Variants in ESRRG observed in about 807,000 individuals in gnomAD.
The protein encoded by ESRRG is estrogen-related receptor gamma.
ESRRG carries 13 observed loss-of-function variants against 44.0 expected under a neutral mutation model. That is an observed-to-expected ratio of 0.30 (90% CI 0.19 to 0.47). ESRRG has a LOEUF of 0.47. Ranked by LOEUF, ESRRG falls within the 20% of genes least tolerant of loss-of-function variation. The pLI is 1.00. For missense variants in ESRRG, 395 were observed against 580.6 expected (o/e 0.68, Z 3.29); for synonymous variants, 215 against 214.6 (o/e 1.00, Z -0.02).
chr1:216,966,164 T>C (rs762731462), intron 1 of ESRRG, among the ~76,000 whole-genome samples: 1 of 152,146 alleles, frequency 6.6e-6, no homozygotes, highest in Admixed American at 6.5e-5. Flanking sequence ...TGGACACGTG[T>C]CCTAGCCCAG....
chr1:216,854,991 G>A (rs1577277873), intron 2 of ESRRG: 1 of 152,144 alleles, frequency 6.6e-6, no homozygotes, highest in African/African-American at 2.4e-5. Flanking sequence ...TCCTCTAGAA[G>A]TGCTGGGTCC....
chr1:216,728,975 T>C (rs553547037), intron 2 of ESRRG, among the ~76,000 whole-genome samples: 1 of 152,310 alleles, frequency 6.6e-6, no homozygotes, highest in African/African-American at 2.4e-5. Flanking sequence ...TGTGTGTTTG[T>C]CAGACCTGGA....
At chr1:216,987,782 G>A (rs2075102621) in intron 1 of ESRRG, among the ~76,000 whole-genome samples, 1 of 152,188 alleles carries the variant, frequency 6.6e-6, no homozygotes, top group Non-Finnish European at 1.5e-5. Context: ...GCATTCTCTG[G>A]CCACTATGAT....
chr1:217,085,688 A>G (rs1479277598), intron 1 of ESRRG, among the ~76,000 whole-genome samples: 1 of 151,650 alleles, frequency 6.6e-6, no homozygotes, highest in Non-Finnish European at 1.5e-5. Flanking sequence ...ACAGGGTTTC[A>G]TCATGTTGGC....
At chr1:216,554,222 G>A (rs577801067) in intron 5 of ESRRG, among the ~76,000 whole-genome samples, 14 of 152,076 alleles carry the variant, frequency 9.2e-5, no homozygotes, top group Non-Finnish European at 1.9e-4. Flanking sequence ...GGAAGGCTGG[G>A]GTGGGTGGAT....
intron 5 of ESRRG, among the ~76,000 whole-genome samples, chr1:216,540,412 A>AG (rs1448752903): frequency 6.6e-6 from 1 of 152,010 alleles, no homozygotes; most frequent in Non-Finnish European, 1.5e-5. Context: ...GCCATAGACA[A>AG]GGGACCTTAT....
intron 2 of ESRRG, among the ~76,000 whole-genome samples, chr1:216,809,246 C>A (rs1330972268): frequency 1.3e-5 from 2 of 149,008 alleles, no homozygotes; most frequent in African/African-American, 5.0e-5. Flanking sequence ...ATGCACAAGG[C>A]TGTTTGGTGT....
rs112896334 is a variant in ESRRG at position 216,978,073 on chromosome 1, G to A, written c.-105-38400C>T. ...TATTTTCTTTATAGATTATCTAGTCGGCTGTATTATGTTATAGCAGAAGGA... is the reference window on the plus strand; with the variant it reads ...TATTTTCTTTATAGATTATCTAGTCAGCTGTATTATGTTATAGCAGAAGGA... On this transcript the variant is annotated intron_variant, in intron 1 of 7. Coordinates refer to the ESRRG transcript ENST00000359162. Among the ~76,000 whole-genome samples, 702 of 152,106 alleles carry A rather than the reference G, an allele frequency of 4.6e-3. 9 individuals are homozygous for A. Among genetic ancestry groups the A allele is most frequent in the African/African-American group, 0.016 (644 of 41,504 alleles).
chr1:216,955,400 C>A (rs1175994193), intron 1 of ESRRG, among the ~76,000 whole-genome samples: 1 of 152,068 alleles, frequency 6.6e-6, no homozygotes, highest in Non-Finnish European at 1.5e-5. Flanking sequence ...GGATGGTATT[C>A]CATTGTGTTG....
chr1:216,613,793 T>C (rs983208903), intron 3 of ESRRG, among the ~76,000 whole-genome samples: 1 of 152,218 alleles, frequency 6.6e-6, no homozygotes, highest in Non-Finnish European at 1.5e-5. Flanking sequence ...AAACTAACAA[T>C]GGAAAATATA....
chr1:216,913,811 C>G (rs757437545), intron 2 of ESRRG, among the ~76,000 whole-genome samples: 1 of 152,070 alleles, frequency 6.6e-6, no homozygotes, highest in Non-Finnish European at 1.5e-5. Flanking sequence ...AATTATAAAC[C>G]TTGAGGAAGC....
At chr1:216,867,281 A>G (rs994660039) in intron 2 of ESRRG, among the ~76,000 whole-genome samples, 9 of 152,198 alleles carry the variant, frequency 5.9e-5, no homozygotes, top group Non-Finnish European at 1.0e-4. Flanking sequence ...TCACTTATCA[A>G]AAGAATTCTC....
rs370360195 is a variant in ESRRG, at chr1:216,568,041, G to C, written c.647C>G (p.Ala216Gly). 6.2e-7 allele frequency: 1 copy of C among 1,613,816 alleles called. No homozygotes were observed. ...GRQKYKRRID[A>G]ENSPYLNPQL... ...AGGGTTCAGGTATGGGCTGTTCTCC[G>C]CATCTATCCTGCGCTTGTACTTCTG... The change falls in exon 4 of 7, where the codon GCG becomes GGG. Residue 216 changes from alanine (A) to glycine (G), a missense_variant. Ala to Gly is a moderately conservative substitution (Grantham distance 60). This residue lies in a region of ESRRG where 37 missense variants were observed against 32.9 expected (regional missense o/e 1.13). Coordinates refer to ENST00000408911, the MANE Select transcript of ESRRG (RefSeq NM_001438.4).
intron 2 of ESRRG, among the ~76,000 whole-genome samples, chr1:216,663,608 A>T (rs2151273316): frequency 6.6e-6 from 1 of 150,578 alleles, no homozygotes; most frequent in African/African-American, 2.4e-5. Context: ...ATAGATTAAA[A>T]AAATTTTTCT....
At chr1:216,943,906 T>C (rs569206214) in intron 1 of ESRRG, among the ~76,000 whole-genome samples, 143 of 152,260 alleles carry the variant, frequency 9.4e-4, no homozygotes, top group Non-Finnish European at 1.7e-3. Context: ...ACAAGCAAGC[T>C]ACTGGATGCT....
chr1:216,543,966 T>C (rs1335369272), intron 5 of ESRRG, among the ~76,000 whole-genome samples: 1 of 152,026 alleles, frequency 6.6e-6, no homozygotes, highest in African/African-American at 2.4e-5. Context: ...AAAATGTGAA[T>C]AGCAATTACT....
At chr1:217,017,887 G>T (rs558201395) in intron 1 of ESRRG, among the ~76,000 whole-genome samples, 1 of 152,226 alleles carries the variant, frequency 6.6e-6, no homozygotes, top group South Asian at 2.1e-4. Context: ...AATCAAACAC[G>T]TTAATATTCC....
chr1:216,519,113 T>C (rs1203754102), intron 6 of ESRRG, 39 bp downstream of exon 6: 1 of 1,584,982 alleles, frequency 6.3e-7, no homozygotes, highest in Non-Finnish European at 8.6e-7. Flanking sequence ...AACTGACATA[T>C]TAAAAAAAAT....
At chr1:216,813,465 C>A (rs1365876881) in intron 2 of ESRRG, among the ~76,000 whole-genome samples, 4 of 152,146 alleles carry the variant, frequency 2.6e-5, no homozygotes, top group African/African-American at 9.7e-5. Flanking sequence ...TGTCCCAACT[C>A]AGAGGATATC....
Sources: allele counts gnomAD v4.1 joint callset (sites outside exome capture counted in the v4.1 genomes callset), GRCh38; gene constraint gnomAD v4.1.1; regional missense constraint gnomAD v4.1.1; transcripts MANE v1.5; gene names NCBI Gene and HGNC (gene_info 2026-07-23, HGNC 2026-07-21).